STXBP5: variants seen among roughly 807,000 people sequenced by gnomAD.
STXBP5 encodes the protein syntaxin binding protein 5, also known as syntaxin-binding protein 5.
Under a neutral mutation model 152.4 loss-of-function variants are expected in STXBP5, and 50 were observed. The ratio of observed to expected loss-of-function variants is 0.33; its 90% CI spans 0.26 to 0.42. The LOEUF (loss-of-function observed/expected upper bound fraction) is 0.42, where lower values mean the gene tolerates loss of function less well. Ranked by LOEUF, STXBP5 falls within the 10% of genes least tolerant of loss-of-function variation. The pLI is 1.00. For synonymous variants in STXBP5, 492 were observed against 494.7 expected (o/e 0.99, Z 0.07); for missense variants, 1,167 against 1,388.6 (o/e 0.84, Z 2.54).
rs1010500295 is a variant in STXBP5, at chr6:147,382,920, G to A, written c.3336G>A (p.Gly1112=). ...CCAGGCTGGCACTAGATGAAAGAGG[G>A]CAGAAACTTGGCGATCTGGAAGAAA... ...ARARLALDER[G]QKLGDLEERT... The change falls in exon 27 of 28, where the codon GGG becomes GGA. Residue 1112 remains glycine (G), a synonymous_variant. Transcript: ENST00000321680. The A allele has an allele frequency of 1.2e-6, 2 of 1,613,370 alleles. No homozygotes were observed. The highest frequency in any genetic ancestry group is 1.7e-6 in the Non-Finnish European group (2 of 1,179,682).
At chr6:147,226,618 A>G (rs1210600732) in intron 2 of STXBP5, among the ~76,000 whole-genome samples, 3 of 152,260 alleles carry the variant, frequency 2.0e-5, no homozygotes, top group African/African-American at 7.2e-5. Flanking sequence ...GCATGAACAT[A>G]TAAGAATAGC....
chr6:147,270,628 G>A (rs1780119928), intron 7 of STXBP5, among the ~76,000 whole-genome samples: 1 of 151,876 alleles, frequency 6.6e-6, no homozygotes, highest in Non-Finnish European at 1.5e-5. Flanking sequence ...TATGTTAAAA[G>A]AAGTCCTGCA....
At chr6:147,242,753 G>GTC (rs1778613488) in intron 4 of STXBP5, among the ~76,000 whole-genome samples, 1 of 152,140 alleles carries the variant, frequency 6.6e-6, no homozygotes, top group Admixed American at 6.5e-5. Context: ...CTAGGTTCGT[G>GTC]TAAGTATGCT....
chr6:147,339,211 C>T lies in STXBP5; in HGVS notation c.2179C>T (p.Gln727Ter). The T allele has an allele frequency of 6.5e-7, 1 of 1,537,878 alleles. No individual in the cohort carries two copies. ...SSSPHNSDDE[Q>*]KMNNFIEKVK... ...ATCACCACACAATTCAGATGATGAA[C>T]AAAAAATGAATAATTTTATAGAAAA... is the stretch of plus-strand genomic sequence containing the variant. Residue 727 changes from glutamine (Q) to a stop codon, truncating the protein, a stop_gained, in exon 20 of 28, where the codon CAA becomes TAA. Transcript: ENST00000321680. LOFTEE classifies it high-confidence loss of function.
chr6:147,316,399 T>G lies in STXBP5; in HGVS notation c.1794T>G (p.Pro598=). The G allele has an allele frequency of 6.6e-7, 1 of 1,520,044 alleles. No individual in the cohort carries two copies. Among genetic ancestry groups the G allele is most frequent in the Non-Finnish European group, 8.8e-7 (1 of 1,137,962 alleles). The allele number at this position is 1,520,044 out of a possible 1,614,324, so 94.2% of individuals were successfully genotyped here. ...SSSDGLRDNV[P]CLKVKNSPLK... is the part of the protein sequence containing the mutation. ...CTGATGGGCTTCGTGATAATGTACC[T>G]TGTTTAAAGTAAGTTATAAAAAACT... Residue 598 remains proline (P), a synonymous_variant, in exon 16 of 28, where the codon CCT becomes CCG. Transcript: ENST00000321680.
chr6:147,380,878 C>T (rs1786052736), intron 26 of STXBP5, among the ~76,000 whole-genome samples: 1 of 152,074 alleles, frequency 6.6e-6, no homozygotes, highest in Non-Finnish European at 1.5e-5. Flanking sequence ...TATTCTCATG[C>T]TGCTAATAAA....
intron 19 of STXBP5, among the ~76,000 whole-genome samples, chr6:147,338,326 A>G (rs1452579876): frequency 6.6e-6 from 1 of 152,062 alleles, no homozygotes; most frequent in Non-Finnish European, 1.5e-5. Flanking sequence ...ATATATAGAT[A>G]AAACATTAAG....
intron 2 of STXBP5, among the ~76,000 whole-genome samples, chr6:147,208,741 T>C (rs571418135): frequency 1.1e-4 from 17 of 152,246 alleles, no homozygotes; most frequent in African/African-American, 4.1e-4. Flanking sequence ...CTGATGAATA[T>C]CTTCCTAAAT....
chr6:147,333,632 G>T (rs1274763063), intron 18 of STXBP5, among the ~76,000 whole-genome samples: 1 of 152,212 alleles, frequency 6.6e-6, no homozygotes, highest in African/African-American at 2.4e-5. Context: ...GCTGAATTCA[G>T]TACTCATGTT....
intron 9 of STXBP5, among the ~76,000 whole-genome samples, chr6:147,302,869 A>G (rs959230870): frequency 6.6e-6 from 1 of 152,154 alleles, no homozygotes; most frequent in Admixed American, 6.6e-5. Context: ...GTCTTTATTG[A>G]TTTTTATAAT....
chr6:147,315,985 T>G lies in STXBP5; in HGVS notation c.1624-244T>G, dbSNP rs558209181. Among the ~76,000 whole-genome samples the G allele has an allele frequency of 1.1e-4, 16 of 152,324 alleles. No homozygotes were observed. In the South Asian group the frequency reaches 2.9e-3, roughly 28 times the overall value. ...TAATATGAATATGAGTATACTCTAA[T>G]TTGATATTAACACGAGTACCATACA... On this transcript the variant is annotated intron_variant, in intron 15 of 27. Coordinates refer to ENST00000321680, the MANE Select transcript of STXBP5 (RefSeq NM_001127715.4).
chr6:147,344,656 C>G (rs1784239828), intron 21 of STXBP5, among the ~76,000 whole-genome samples: 1 of 152,174 alleles, frequency 6.6e-6, no homozygotes, highest in South Asian at 2.1e-4. Flanking sequence ...CTTATAAGAA[C>G]CAATCAAATT....
At chr6:147,246,641 A>G (rs74416174) in intron 4 of STXBP5, among the ~76,000 whole-genome samples, 5,459 of 152,252 alleles carry the variant, frequency 0.036, 321 homozygotes, top group East Asian at 0.27. Context: ...TACAGTTTCT[A>G]TATGACTTTT....
Position 147,382,801 on chromosome 6 carries a change from G to C in STXBP5, c.3217G>C (p.Ala1073Pro), listed in dbSNP as rs778020321. ...AGTTGGAGAATCGTCCTCAGGAAAGGCTTCAAGGAGCCTTGCACAGCATAT... is the reference window on the plus strand; with the variant it reads ...AGTTGGAGAATCGTCCTCAGGAAAGCCTTCAAGGAGCCTTGCACAGCATAT... ...ELFGESSSGK[A>P]SRSLAQHIPG... The change falls in exon 27 of 28, where the codon GCT becomes CCT. Residue 1073 changes from alanine to proline, a missense_variant. Transcript: ENST00000321680. 1.2e-6 allele frequency: 2 copies of C among 1,613,194 alleles called. No individual in the cohort carries two copies. Among genetic ancestry groups the C allele is most frequent in the Admixed American group, 1.7e-5 (1 of 59,948 alleles).
At chr6:147,329,887 A>G (rs1168791863) in intron 18 of STXBP5, among the ~76,000 whole-genome samples, 2 of 151,908 alleles carry the variant, frequency 1.3e-5, no homozygotes, top group Non-Finnish European at 2.9e-5. Context: ...TCGGCCTCCC[A>G]AAGTGCTGGG....
intron 4 of STXBP5, among the ~76,000 whole-genome samples, chr6:147,246,193 G>A (rs1483049827): frequency 2.6e-5 from 4 of 152,162 alleles, no homozygotes; most frequent in African/African-American, 9.7e-5. Flanking sequence ...TTAATACCTT[G>A]TTTTTTCCTT....
intron 21 of STXBP5, among the ~76,000 whole-genome samples, chr6:147,349,415 T>C (rs1784489260): frequency 6.6e-6 from 1 of 152,194 alleles, no homozygotes; most frequent in Non-Finnish European, 1.5e-5. Flanking sequence ...TCTAACAGTT[T>C]GAGTTACAGA....
At chr6:147,223,377 G>C (rs762977306) in intron 2 of STXBP5, among the ~76,000 whole-genome samples, 5 of 152,124 alleles carry the variant, frequency 3.3e-5, no homozygotes, top group Non-Finnish European at 5.9e-5. Flanking sequence ...CTGTTGTTTT[G>C]AGCATATTTC....
At chr6:147,344,121 A>G (rs549669367) in intron 21 of STXBP5, among the ~76,000 whole-genome samples, 137 of 152,286 alleles carry the variant, frequency 9.0e-4, no homozygotes, top group African/African-American at 3.2e-3. Context: ...ATTGGAAAGT[A>G]TTGGCATATT....
Sources: gnomAD v4.1 joint callset for allele counts (sites outside exome capture counted in the v4.1 genomes callset) on GRCh38, gnomAD v4.1.1 for gene constraint, MANE v1.5 for transcripts, NCBI Gene and HGNC (gene_info 2026-07-23, HGNC 2026-07-21) for gene names.